GRID2: variants seen among roughly 807,000 people sequenced by gnomAD.
The protein encoded by GRID2 is glutamate ionotropic receptor delta type subunit 2.
GRID2 carries 33 observed loss-of-function variants against 114.8 expected under a neutral mutation model. The observed-to-expected ratio is 0.29, with a 90% CI of 0.22 to 0.38. The LOEUF is 0.38. Among genes scored for constraint, GRID2 ranks in the 10% least tolerant of loss-of-function variants. GRID2 has a pLI of 1.00. For missense variants in GRID2, 1,184 were observed against 1,257.7 expected (o/e 0.94, Z 0.89); for synonymous variants, 505 against 449.9 (o/e 1.12, Z -1.55).
At chr4:92,935,276 A>G (rs1185418685) in intron 2 of GRID2, among the ~76,000 whole-genome samples, 1 of 147,508 alleles carries the variant, frequency 6.8e-6, no homozygotes, top group African/African-American at 2.4e-5. Flanking sequence ...CAAAAAACAC[A>G]TGAAAAAAGG....
chr4:93,785,194 C>A (rs1182899306), intron 1 of GRID2, among the ~76,000 whole-genome samples: 1 of 152,114 alleles, frequency 6.6e-6, no homozygotes, highest in Non-Finnish European at 1.5e-5. Context: ...CAGCCACCTA[C>A]CTAATGTTTG....
chr4:92,984,179 A>G (rs1341373615), intron 2 of GRID2, among the ~76,000 whole-genome samples: 3 of 152,266 alleles, frequency 2.0e-5, no homozygotes, highest in South Asian at 2.1e-4. Context: ...TCATCCTTCT[A>G]TTTTTCTCAT....
At chr4:92,796,419 C>T (rs1739878364) in intron 2 of GRID2, among the ~76,000 whole-genome samples, 2 of 151,920 alleles carry the variant, frequency 1.3e-5, no homozygotes, top group Non-Finnish European at 2.9e-5. Context: ...CCTTCTTGTA[C>T]AACCGAAAGA....
At chr4:92,745,036 C>T (rs909226910) in intron 2 of GRID2, among the ~76,000 whole-genome samples, 1 of 152,156 alleles carries the variant, frequency 6.6e-6, no homozygotes, top group Non-Finnish European at 1.5e-5. Flanking sequence ...TTCTAGCACT[C>T]AGTCCTCTTG....
chr4:93,741,201 GTA>G (rs1188641160), intron 14 of GRID2, among the ~76,000 whole-genome samples: 1 of 53,732 alleles, frequency 1.9e-5, no homozygotes, highest in Non-Finnish European at 3.0e-5. Flanking sequence ...ATATATATAT[GTA>G]TATATATATA....
At chr4:92,970,219 A>G (rs573164264) in intron 2 of GRID2, among the ~76,000 whole-genome samples, 7 of 152,018 alleles carry the variant, frequency 4.6e-5, no homozygotes, top group African/African-American at 1.4e-4. Flanking sequence ...CCACAATATT[A>G]TGAGTCATTT....
intron 1 of GRID2, among the ~76,000 whole-genome samples, chr4:93,796,921 G>C (rs748657869): frequency 1.2e-4 from 18 of 152,122 alleles, no homozygotes; most frequent in Non-Finnish European, 2.5e-4. Context: ...TAACAATGGG[G>C]TACGTTCTCA....
intron 1 of GRID2, among the ~76,000 whole-genome samples, chr4:92,540,883 G>A (rs534818805): frequency 2.7e-4 from 41 of 151,220 alleles, no homozygotes; most frequent in African/African-American, 8.4e-4. Context: ...GCAAAGACTT[G>A]TGACCAACCC....
rs185509714 is a variant in GRID2 at position 93,375,287 on chromosome 4, G to A, written c.1246-20320G>A. 6.4e-4 allele frequency among the ~76,000 whole-genome samples: 91 copies of A among 143,062 alleles called. 1 individual carries two copies. Among genetic ancestry groups the A allele is most frequent in the Middle Eastern group, 7.5e-3 (2 of 268 alleles). 93.9% of individuals were successfully genotyped at this position (143,062 alleles called of 152,430 possible). A position where few individuals can be genotyped will look rare whatever the true frequency, so the allele number is the denominator to read the frequency against. On this transcript the variant is annotated intron_variant, in intron 8 of 15. Transcript: ENST00000282020. ...GAAGTGCAGTACAGGATCTTGTCTC[G>A]CTGCAAGCTCTGCCTCCCGGGTTCA...
At chr4:93,000,919 C>G (rs1158113708) in intron 2 of GRID2, among the ~76,000 whole-genome samples, 3 of 151,044 alleles carry the variant, frequency 2.0e-5, no homozygotes, top group African/African-American at 7.3e-5. Context: ...TGTAACAAAC[C>G]ATGTAACTAA....
chr4:93,506,615 A>G (rs1295334582), intron 12 of GRID2, among the ~76,000 whole-genome samples: 3 of 152,310 alleles, frequency 2.0e-5, no homozygotes, highest in African/African-American at 7.2e-5. Flanking sequence ...TGGAGCGACT[A>G]GAAAAGGCTG....
intron 8 of GRID2, among the ~76,000 whole-genome samples, chr4:93,329,450 A>G (rs1560505623): frequency 6.6e-6 from 1 of 152,136 alleles, no homozygotes; most frequent in African/African-American, 2.4e-5. Context: ...ATTCTTCTTT[A>G]GATTCAAGAT....
chr4:93,414,266 C>G (rs1468642954), intron 9 of GRID2, among the ~76,000 whole-genome samples: 1 of 152,152 alleles, frequency 6.6e-6, no homozygotes, highest in Non-Finnish European at 1.5e-5. Flanking sequence ...TTGCCTCTTC[C>G]AGTCTATTGT....
At chr4:92,674,230 T>G (rs1733216818) in intron 2 of GRID2, among the ~76,000 whole-genome samples, 6 of 152,104 alleles carry the variant, frequency 3.9e-5, no homozygotes, top group Admixed American at 2.0e-4. Context: ...TGAACCTTAT[T>G]TTCTCTCTCC....
intron 14 of GRID2, among the ~76,000 whole-genome samples, chr4:93,682,821 A>G (rs944641926): frequency 7.9e-5 from 12 of 151,672 alleles, no homozygotes; most frequent in African/African-American, 2.9e-4. Flanking sequence ...TAGGAGATAT[A>G]CCTAATGCTA....
At chr4:92,498,966 C>A (rs1320454137) in intron 1 of GRID2, among the ~76,000 whole-genome samples, 1 of 147,840 alleles carries the variant, frequency 6.8e-6, no homozygotes, top group Non-Finnish European at 1.5e-5. Flanking sequence ...GAACTGTGAC[C>A]ATAATATTGT....
intron 2 of GRID2, among the ~76,000 whole-genome samples, chr4:92,887,155 A>T (rs1305095852): frequency 6.6e-6 from 1 of 151,656 alleles, no homozygotes; most frequent in Non-Finnish European, 1.5e-5. Flanking sequence ...TCCTTGTGCT[A>T]TTTCCCATCC....
At chr4:92,602,321 C>T (rs6836958) in intron 2 of GRID2, among the ~76,000 whole-genome samples, 6,562 of 151,964 alleles carry the variant, frequency 0.043, 432 homozygotes, top group African/African-American at 0.15. Context: ...ACTGGGAAAC[C>T]GGATTCAGCA....
intron 8 of GRID2, among the ~76,000 whole-genome samples, chr4:93,385,759 T>G (rs1371390118): frequency 6.6e-6 from 1 of 152,158 alleles, no homozygotes; most frequent in Non-Finnish European, 1.5e-5. Flanking sequence ...TAATAAGCTG[T>G]GAGTTTTGAG....
Sources: allele counts gnomAD v4.1 joint callset (sites outside exome capture counted in the v4.1 genomes callset), GRCh38; gene constraint gnomAD v4.1.1; transcripts MANE v1.5; gene names NCBI Gene and HGNC (gene_info 2026-07-23, HGNC 2026-07-21).